TIGD7: variants seen among roughly 807,000 people sequenced by gnomAD.
The protein encoded by TIGD7 is tigger transposable element-derived protein 7.
In TIGD7, 26 loss-of-function variants were observed where a neutral mutation model predicts 24.8. That is an observed-to-expected ratio of 1.05 (90% confidence interval 0.77 to 1.45). The LOEUF (loss-of-function observed/expected upper bound fraction) is 1.45, where lower values mean the gene tolerates loss of function less well. Among genes scored for constraint, TIGD7 ranks in the 40% most tolerant of loss-of-function variants. TIGD7 has a pLI of 0.00. For missense variants in TIGD7, 679 were observed against 641.6 expected, an observed-to-expected ratio of 1.06 and a Z score of -0.63; for synonymous variants, 221 against 224.1, an observed-to-expected ratio of 0.99 and a Z score of 0.12.
chr16:3,299,640 G>C lies in TIGD7; in HGVS notation c.975C>G (p.Thr325=). 1.3e-6 allele frequency: 2 copies of C among 1,564,690 alleles called. No individual in the cohort carries two copies. The highest frequency in any genetic ancestry group is 2.2e-5 in the East Asian group (1 of 44,464). ...KCMFFPHNTS[T]LIQPMNQGVI... ...CACCTTGATTCATTGGTTGAATCAA[G>C]GTTGAAGTGTTATGGGGGAAGAACA... The change falls in exon 2 of 2, where the codon ACC becomes ACG. Residue 325 remains threonine, a synonymous_variant. Coordinates refer to ENST00000396862, the MANE Select transcript of TIGD7 (RefSeq NM_033208.4).
Position 3,299,222 on chromosome 16 carries a change from CT to C in TIGD7, c.1392del (p.Gly465GlufsTer16). 6.2e-7 allele frequency: 1 copy of C among 1,607,252 alleles called. No individual in the cohort carries two copies. The stretch of plus-strand genomic sequence containing the variant: ...GCAGTCTGCTTCTCAGCTTCTCCTC[CT>C]TTTTGAACAACTTCCTTTGTTATTC... ...KGGITKEVVQ[K>X]GGEAEKQTAE... On this transcript the variant is annotated frameshift_variant, in exon 2 of 2. Transcript: ENST00000396862. LOFTEE classifies it high-confidence loss of function.
In TIGD7 at chr16:3,299,412, A is replaced by G; in HGVS notation, c.1203T>C (p.Asn401=). 6.4e-7 allele frequency: 1 copy of G among 1,555,054 alleles called. No individual in the cohort carries two copies. The highest frequency in any genetic ancestry group is 1.2e-5 in the South Asian group (1 of 81,630). ...ATTCAGGTTCCTTTTTGTAAAGAAGATTTTCCCATGCATTTGCTATGGTTA... is the reference window on the plus strand; with the variant it reads ...ATTCAGGTTCCTTTTTGTAAAGAAGGTTTTCCCATGCATTTGCTATGGTTA... ...KQITIANAWE[N]LLYKKEPEYD... The change falls in exon 2 of 2, where the codon AAT becomes AAC. Residue 401 remains asparagine, a synonymous_variant. Transcript: ENST00000396862.
chr16:3,298,858 C>A lies in TIGD7; in HGVS notation c.*107G>T. On this transcript the variant is annotated 3_prime_UTR_variant, in exon 2 of 2. Coordinates refer to ENST00000396862, the MANE Select transcript of TIGD7 (RefSeq NM_033208.4). ...TATTTTCAAACTGTAAATTTTATAA[C>A]CATTATATAAATGGGCACTGATATA... is the stretch of plus-strand genomic sequence containing the variant. 1 of 420,694 alleles carries A rather than the reference C, an allele frequency of 2.4e-6. No homozygotes were observed. Among genetic ancestry groups the A allele is most frequent in the East Asian group, 3.5e-5 (1 of 28,208 alleles). The allele number at this position is 420,694 out of a possible 1,614,324, so 26.1% of individuals were successfully genotyped here. A position where few individuals can be genotyped will look rare whatever the true frequency, so the allele number is the denominator to read the frequency against.
Position 3,301,280 on chromosome 16 carries a change from T to C in TIGD7, c.-666A>G, listed in dbSNP as rs1295618543. The C allele has an allele frequency of 6.0e-6, 1 of 167,106 alleles. No homozygotes were observed. Among genetic ancestry groups the C allele is most frequent in the Non-Finnish European group, 1.5e-5 (1 of 68,128 alleles). The allele number at this position is 167,106 out of a possible 1,614,324, so 10.4% of individuals were successfully genotyped here. On this transcript the variant is annotated 5_prime_UTR_variant, in exon 2 of 2. Transcript: ENST00000396862. ...ACAGGGACCCTGACATTGGGATGTA[T>C]GGAGAGTTGGAATTCAGGAACAGTT... is the stretch of plus-strand genomic sequence containing the variant.
chr16:3,299,223 T>C lies in TIGD7; in HGVS notation c.1392A>G (p.Lys464=), dbSNP rs748253409. The C allele has an allele frequency of 1.2e-6, 2 of 1,608,334 alleles. No homozygotes were observed. Among genetic ancestry groups the C allele is most frequent in the African/African-American group, 1.3e-5 (1 of 74,728 alleles). The change falls in exon 2 of 2, where the codon AAA becomes AAG. Residue 464 remains lysine, a synonymous_variant. Transcript: ENST00000396862. ...CAGTCTGCTTCTCAGCTTCTCCTCC[T>C]TTTTGAACAACTTCCTTTGTTATTC... ...KGGITKEVVQ[K]GGEAEKQTAE...
rs774764906 is a variant in TIGD7, at chr16:3,299,124, A to C, written c.1491T>G (p.Phe497Leu). 5.4e-6 allele frequency: 8 copies of C among 1,469,392 alleles called. No homozygotes were observed. Among genetic ancestry groups the C allele is most frequent in the Non-Finnish European group, 6.3e-6 (7 of 1,112,144 alleles). The allele number at this position is 1,469,392 out of a possible 1,614,324, so 91.0% of individuals were successfully genotyped here. The change falls in exon 2 of 2, where the codon TTT (phenylalanine) becomes TTG (leucine). Residue 497 changes from phenylalanine (F) to leucine (L), a missense_variant. By Grantham distance (22) the Phe-to-Leu change is conservative. Transcript: ENST00000396862. Reference sequence around the variant, plus strand: ...CTTTCAGTGTGAAGTGGAATCTCTGAAACTCAGGTGTGGCATCAACAAAGT... The same window carrying C: ...CTTTCAGTGTGAAGTGGAATCTCTGCAACTCAGGTGTGGCATCAACAAAGT... ...LLDFVDATPEFQRFHFTLKEM... is the reference protein window; with the variant it reads ...LLDFVDATPELQRFHFTLKEM...
intron 1 of TIGD7, chr16:3,303,682 T>C (rs1326990936): frequency 2.0e-5 from 3 of 152,204 alleles, no homozygotes; most frequent in African/African-American, 4.8e-5. Context: ...AGGAGTTACA[T>C]ACCATCCCAT....
chr16:3,302,640 G>T (rs1959971792), intron 1 of TIGD7, among the ~76,000 whole-genome samples: 1 of 151,862 alleles, frequency 6.6e-6, no homozygotes, highest in East Asian at 1.9e-4. Flanking sequence ...GTTAGTAAGT[G>T]ATAACTCAGA....
In TIGD7 at chr16:3,299,689, C is replaced by T. The variant is rs1484485334; in HGVS notation, c.926G>A (p.Ser309Asn). 6.5e-7 allele frequency: 1 copy of T among 1,540,532 alleles called. No individual in the cohort carries two copies. Among genetic ancestry groups the T allele is most frequent in the South Asian group, 1.3e-5 (1 of 77,036 alleles). The change falls in exon 2 of 2, where the codon AGT becomes AAT. Residue 309 changes from serine (S) to asparagine (N), a missense_variant. Transcript: ENST00000396862. The part of the protein sequence containing the change: ...PAHPSSESLT[S>N]EDGRIKCMFF... ...CATACATTTTATTCGACCATCCTCA[C>T]TGGTTAGGGATTCAGAGGAAGGATG...
Position 3,299,711 on chromosome 16 carries a change from G to A in TIGD7, c.904C>T (p.Pro302Ser), listed in dbSNP as rs1328776623. ...LLLLDSCPAH[P>S]SSESLTSEDG... ...TCACTGGTTAGGGATTCAGAGGAAG[G>A]ATGAGCCGGGCAACTGTCCAGAAGT... The change falls in exon 2 of 2, where the codon CCT becomes TCT. Residue 302 changes from proline (P) to serine (S), a missense_variant. Physicochemically the swap from Pro to Ser is moderately conservative, Grantham distance 74. Transcript: ENST00000396862. 6.5e-7 allele frequency: 1 copy of A among 1,536,178 alleles called. No homozygotes were observed. Among genetic ancestry groups the A allele is most frequent in the Non-Finnish European group, 8.7e-7 (1 of 1,146,578 alleles).
Position 3,299,979 on chromosome 16 carries a change from G to A in TIGD7, c.636C>T (p.Ala212=). The A allele has an allele frequency of 6.2e-7, 1 of 1,614,034 alleles. No individual in the cohort carries two copies. The highest frequency in any genetic ancestry group is 8.5e-7 in the Non-Finnish European group (1 of 1,180,004). The change falls in exon 2 of 2, where the codon GCC becomes GCT. Residue 212 remains alanine, a synonymous_variant. Coordinates refer to ENST00000396862, the MANE Select transcript of TIGD7 (RefSeq NM_033208.4). ...TTCCGTCTGCATTTGCACATAAAAA[G>A]GCAGACAACCTTTCTTTGTTTATTT... is the stretch of plus-strand genomic sequence containing the variant. ...GKKINKERLS[A]FLCANADGTH...
rs933030603 is a variant in TIGD7, at chr16:3,305,410, G to C, written c.-1594C>G. ...GCCGGGGAAGACAGCAGTTTCTCTGGCGAGGAAGTAGGCCGGGCTCAGGCG... is the reference window on the plus strand; with the variant it reads ...GCCGGGGAAGACAGCAGTTTCTCTGCCGAGGAAGTAGGCCGGGCTCAGGCG... On this transcript the variant is annotated 5_prime_UTR_variant, in exon 1 of 2. Coordinates refer to ENST00000396862, the MANE Select transcript of TIGD7 (RefSeq NM_033208.4). 4 of 152,346 alleles carry C rather than the reference G, an allele frequency of 2.6e-5. No individual in the cohort carries two copies. Among genetic ancestry groups the C allele is most frequent in the African/African-American group, 9.6e-5 (4 of 41,468 alleles). 9.4% of individuals were successfully genotyped at this position (152,346 alleles called of 1,614,324 possible).
rs912605768 is a variant in TIGD7, at chr16:3,299,171, C to G, written c.1444G>C (p.Glu482Gln). The G allele has an allele frequency of 6.3e-7, 1 of 1,581,868 alleles. No individual in the cohort carries two copies. The highest frequency in any genetic ancestry group is 1.4e-5 in the African/African-American group (1 of 73,410). The change falls in exon 2 of 2, where the codon GAG becomes CAG. Residue 482 changes from glutamate (E) to glutamine (Q), a missense_variant. Transcript: ENST00000396862. ...AAGTCAAGAAGGTAGTCCAAACTCT[C>G]TCTTACAGCAGATAATTTAAATTCA... ...TAEFKLSAVR[E>Q]SLDYLLDFVD...
rs1293883609 is a variant in TIGD7, at chr16:3,304,076, TCCGC to T, written c.-1396+1132_-1396+1135del. ...TGGTCTCGATCTCCTGACCTCATGA[TCCGC>T]CCGCCTCGGCCTCCCAAAGTGCTGG... On this transcript the variant is annotated intron_variant, in intron 1 of 1. Coordinates refer to ENST00000396862, the MANE Select transcript of TIGD7 (RefSeq NM_033208.4). Among the ~76,000 whole-genome samples, 8 of 152,142 alleles carry T rather than the reference TCCGC, an allele frequency of 5.3e-5. No individual in the cohort carries two copies. The East Asian group carries it at 1.5e-3, about 29-fold the overall frequency.
rs1461673484 is a variant in TIGD7, at chr16:3,299,503, AT to A, written c.1111del (p.Ile371LeufsTer6). ...QEKGDKGVSK[I>X]KIYNIKSAIF... ...TGCACTTTTTATATTGTAGATTTTAATTTTGGAAACTCCTTTATCTCCTTTC... is the reference window on the plus strand; with the variant it reads ...TGCACTTTTTATATTGTAGATTTTAATTTGGAAACTCCTTTATCTCCTTTC... On this transcript the variant is annotated frameshift_variant, in exon 2 of 2. Transcript: ENST00000396862. LOFTEE classifies it low-confidence loss of function (END_TRUNC). 1 of 1,538,922 alleles carries A rather than the reference AT, an allele frequency of 6.5e-7. No homozygotes were observed. Among genetic ancestry groups the A allele is most frequent in the Middle Eastern group, 1.7e-4 (1 of 5,736 alleles).
intron 1 of TIGD7, among the ~76,000 whole-genome samples, chr16:3,302,240 G>A (rs1326927197): frequency 6.6e-6 from 1 of 151,956 alleles, no homozygotes; most frequent in Non-Finnish European, 1.5e-5. Flanking sequence ...CAATTCTCCT[G>A]CCTCAGCTTC....
rs1394141839 is a variant in TIGD7, at chr16:3,301,723, TC to T, written c.-1110del. The T allele has an allele frequency of 6.0e-6, 1 of 166,252 alleles. No homozygotes were observed. Among genetic ancestry groups the T allele is most frequent in the African/African-American group, 2.5e-5 (1 of 40,780 alleles). The allele number at this position is 166,252 out of a possible 1,614,324, so 10.3% of individuals were successfully genotyped here. A position where few individuals can be genotyped will look rare whatever the true frequency, so the allele number is the denominator to read the frequency against. Reference sequence around the variant, plus strand: ...TTATATTTGAGATTTTGATTTCTCTTCAGTGTTTATTTTACTTAATTTGAAC... The same window carrying T: ...TTATATTTGAGATTTTGATTTCTCTTAGTGTTTATTTTACTTAATTTGAAC... On this transcript the variant is annotated 5_prime_UTR_variant, in exon 2 of 2. Transcript: ENST00000396862.
At position 3,300,034 on chromosome 16, in the gene TIGD7, C is replaced by A; in HGVS notation, c.581G>T (p.Ser194Ile). 1 of 1,614,172 alleles carries A rather than the reference C, an allele frequency of 6.2e-7. No individual in the cohort carries two copies. Among genetic ancestry groups the A allele is most frequent in the Non-Finnish European group, 8.5e-7 (1 of 1,180,036 alleles). Residue 194 changes from serine to isoleucine, a missense_variant, in exon 2 of 2, where the codon AGT (serine) becomes ATT (isoleucine). Ser to Ile is a moderately radical substitution (Grantham distance 142). Coordinates refer to ENST00000396862, the MANE Select transcript of TIGD7 (RefSeq NM_033208.4). The part of the protein sequence containing the change: ...WKSMPENSQA[S>I]RKDICLPGKK... ...CCCTGGTAGGCAGATATCTTTCCTA[C>A]TTGCCTGAGAATTTTCTGGCATTGA...
At position 3,299,779 on chromosome 16, in the gene TIGD7, A is replaced by G. The variant is rs141363326; in HGVS notation, c.836T>C (p.Leu279Pro). The G allele has an allele frequency of 1.9e-5, 30 of 1,566,740 alleles. No homozygotes were observed. Among genetic ancestry groups the G allele is most frequent in the Non-Finnish European group, 2.5e-5 (29 of 1,161,848 alleles). ...CTCGTCATGAAATCTTAGAACATTA[A>G]GTTGAAAATGTCGGACCTCAGGAAC... ...NFVPEVRHFQ[L>P]NVLRFHDEDV... The change falls in exon 2 of 2, where the codon CTT (leucine) becomes CCT (proline). Residue 279 changes from leucine (L) to proline (P), a missense_variant. Coordinates refer to ENST00000396862, the MANE Select transcript of TIGD7 (RefSeq NM_033208.4).
Sources: allele counts gnomAD v4.1 joint callset (sites outside exome capture counted in the v4.1 genomes callset), GRCh38; gene constraint gnomAD v4.1.1; transcripts MANE v1.5; gene names NCBI Gene and HGNC (gene_info 2026-07-23, HGNC 2026-07-21).